PPP1CC: variants seen among roughly 807,000 people sequenced by gnomAD.
PPP1CC encodes protein phosphatase 1 catalytic subunit gamma.
PPP1CC carries 16 observed loss-of-function variants against 38.4 expected under a neutral mutation model. The observed-to-expected ratio is 0.42, with a 90% CI of 0.28 to 0.63. The LOEUF is 0.63. Among genes scored for constraint, PPP1CC ranks in the 30% least tolerant of loss-of-function variants. The pLI is 0.25. For missense variants in PPP1CC, 170 were observed against 391.3 expected, an observed-to-expected ratio of 0.43 and a Z score of 4.77; for synonymous variants, 158 against 136.0, an observed-to-expected ratio of 1.16 and a Z score of -1.13.
chr12:110,734,315 G>A (rs1449385120), intron 1 of PPP1CC, among the ~76,000 whole-genome samples: 1 of 152,098 alleles, frequency 6.6e-6, no homozygotes, highest in African/African-American at 2.4e-5. Flanking sequence ...TTGACTGGTG[G>A]CATTAGAATT....
chr12:110,715,044 T>TA (rs1395451917), downstream of PPP1CC, among the ~76,000 whole-genome samples: 1 of 151,848 alleles, frequency 6.6e-6, no homozygotes. Flanking sequence ...TCCAAGAATA[T>TA]AACGACCAGT....
At position 110,735,742 on chromosome 12, in the gene PPP1CC, A is replaced by G. The variant is rs1593584025; in HGVS notation, c.56-3841T>C. Among the ~76,000 whole-genome samples the G allele has an allele frequency of 4.7e-5, 7 of 150,224 alleles. 1 individual carries two copies. The Admixed American group carries it at 4.7e-4, about 10-fold the overall frequency. On this transcript the variant is annotated intron_variant, in intron 1 of 6. Transcript: ENST00000335007. The stretch of plus-strand genomic sequence containing the variant: ...AGTTGCAGTGAGCCGAGATTGTGCC[A>G]CTGCACTCCATCCTGGGCAACAAGA...
chr12:110,726,866 G>C (rs2069805439), intron 3 of PPP1CC, among the ~76,000 whole-genome samples: 1 of 152,170 alleles, frequency 6.6e-6, no homozygotes, highest in African/African-American at 2.4e-5. Context: ...TACTTAACCT[G>C]TATTATAAAA....
chr12:110,720,414 G>T lies in PPP1CC; in HGVS notation c.*662C>A. On this transcript the variant is annotated 3_prime_UTR_variant, in exon 7 of 7. Coordinates refer to ENST00000335007, the MANE Select transcript of PPP1CC (RefSeq NM_002710.4). ...CAAAACATAATTCAACAGAAACTTT[G>T]GCTTTAGGAAAGAGTCACAAATATT... 1 of 474,816 alleles carries T rather than the reference G, an allele frequency of 2.1e-6. No individual in the cohort carries two copies. The highest frequency in any genetic ancestry group is 3.7e-6 in the Non-Finnish European group (1 of 268,716). 29.4% of individuals were successfully genotyped at this position (474,816 alleles called of 1,614,324 possible). A position where few individuals can be genotyped will look rare whatever the true frequency, so the allele number is the denominator to read the frequency against.
At chr12:110,730,884 T>A in intron 2 of PPP1CC, 125 bp from the exon 3 acceptor site, 1 of 640,484 alleles carries the variant, frequency 1.6e-6, no homozygotes, top group Non-Finnish European at 2.6e-6. Context: ...AATGAGAGTT[T>A]AACTGGGCAG....
At chr12:110,727,614 A>T (rs2069814877) in intron 3 of PPP1CC, among the ~76,000 whole-genome samples, 1 of 102,690 alleles carries the variant, frequency 9.7e-6, no homozygotes, top group Non-Finnish European at 1.9e-5. Flanking sequence ...TACAAAGTTA[A>T]AAAAAAAAAA....
chr12:110,737,207 G>T lies in PPP1CC; in HGVS notation c.56-5306C>A, dbSNP rs1169325249. ...TCAAGAATCCTTTGGGCCGGATGCG[G>T]TGTCTAACGCCTGTAATCCCAGCAC... On this transcript the variant is annotated intron_variant, in intron 1 of 6. Transcript: ENST00000335007. Among the ~76,000 whole-genome samples, 5 of 152,156 alleles carry T rather than the reference G, an allele frequency of 3.3e-5. No individual in the cohort carries two copies. The South Asian group carries it at 1.0e-3, about 32-fold the overall frequency.
rs2069751073 is a variant in PPP1CC at position 110,722,592 on chromosome 12, G to A, written c.627C>T (p.Pro209=). 3.1e-6 allele frequency: 5 copies of A among 1,614,014 alleles called. No homozygotes were observed. Among genetic ancestry groups the A allele is most frequent in the Non-Finnish European group, 4.2e-6 (5 of 1,180,022 alleles). ...GLLCDLLWSD[P]DKDVLGWGEN... ...CACCCCAGCCTAAGACATCTTTATCGGGGTCAGACCACAAAAGATCACAAA... is the reference window on the plus strand; with the variant it reads ...CACCCCAGCCTAAGACATCTTTATCAGGGTCAGACCACAAAAGATCACAAA... Residue 209 remains proline, a synonymous_variant, in exon 5 of 7, where the codon CCC becomes CCT. Coordinates refer to ENST00000335007, the MANE Select transcript of PPP1CC (RefSeq NM_002710.4). The surrounding 1 kb of genome is among the most constrained non-coding windows in gnomAD (Gnocchi z 5.4).
the PPP1CC span, among the ~76,000 whole-genome samples, chr12:110,714,152 A>C: frequency 1.5e-3 from 226 of 152,256 alleles, 2 homozygotes; most frequent in African/African-American, 5.1e-3. Flanking sequence ...TATTGACCTC[A>C]GCAAGATTAT....
downstream of PPP1CC, among the ~76,000 whole-genome samples, chr12:110,716,717 CAT>C (rs2069690590): frequency 6.6e-6 from 1 of 152,180 alleles, no homozygotes; most frequent in Non-Finnish European, 1.5e-5. Flanking sequence ...AATCCTCTAA[CAT>C]ATTTATCTTT....
At chr12:110,712,933 C>T in the PPP1CC span, among the ~76,000 whole-genome samples, 31 of 151,624 alleles carry the variant, frequency 2.0e-4, no homozygotes, top group African/African-American at 7.3e-4. Flanking sequence ...ATTAGCCAGG[C>T]GTGGTGGCAT....
Position 110,730,671 on chromosome 12 carries a change from G to A in PPP1CC, c.276C>T (p.Asp92=), listed in dbSNP as rs2069861316. 5 of 1,614,116 alleles carry A rather than the reference G, an allele frequency of 3.1e-6. No individual in the cohort carries two copies. The highest frequency in any genetic ancestry group is 4.2e-6 in the Non-Finnish European group (5 of 1,180,004). The change falls in exon 3 of 7, where the codon GAC becomes GAT. Residue 92 remains aspartate, a synonymous_variant. Transcript: ENST00000335007. The stretch of plus-strand genomic sequence containing the variant: ...ATGACTGCTTTCCCCTGTCCACATA[G>A]TCCCCAAGAAACAGGTAGTTGCTTT... ...PPESNYLFLG[D]YVDRGKQSLE... is the part of the protein sequence containing the mutation.
In PPP1CC at chr12:110,721,020, A is replaced by C. The variant is rs1311857589; in HGVS notation, c.*56T>G. The C allele has an allele frequency of 8.0e-6, 12 of 1,495,792 alleles. No homozygotes were observed. Among genetic ancestry groups the C allele is most frequent in the African/African-American group, 2.8e-5 (2 of 72,362 alleles). The allele number at this position is 1,495,792 out of a possible 1,614,324, so 92.7% of individuals were successfully genotyped here. On this transcript the variant is annotated 3_prime_UTR_variant, in exon 7 of 7. Transcript: ENST00000335007. ...ACCAGTACACATTACAGTCTTAAAA[A>C]TGAAGGTTATATACTCTATGTTACA...
Position 110,722,400 on chromosome 12 carries a change from C to A in PPP1CC, c.747+72G>T. On this transcript the variant is annotated intron_variant, in intron 5 of 6. Coordinates refer to ENST00000335007, the MANE Select transcript of PPP1CC (RefSeq NM_002710.4). The surrounding 1 kb of genome is among the most constrained non-coding windows in gnomAD (Gnocchi z 5.4). ...TGTATAAATAAGCAATACCTACCCACCAAAATCAACAAGGAGAATCTGTGC... is the reference window on the plus strand; with the variant it reads ...TGTATAAATAAGCAATACCTACCCAACAAAATCAACAAGGAGAATCTGTGC... The A allele has an allele frequency of 6.3e-7, 1 of 1,576,496 alleles. No individual in the cohort carries two copies. Among genetic ancestry groups the A allele is most frequent in the Non-Finnish European group, 8.7e-7 (1 of 1,147,634 alleles).
chr12:110,722,041 A>AT lies in PPP1CC; in HGVS notation c.882+93dup. The AT allele has an allele frequency of 6.6e-7, 1 of 1,511,092 alleles. No homozygotes were observed. Among genetic ancestry groups the AT allele is most frequent in the Non-Finnish European group, 9.1e-7 (1 of 1,102,212 alleles). The allele number at this position is 1,511,092 out of a possible 1,614,324, so 93.6% of individuals were successfully genotyped here. On this transcript the variant is annotated intron_variant, in intron 6 of 6. Transcript: ENST00000335007. The surrounding 1 kb of genome is among the most constrained non-coding windows in gnomAD (Gnocchi z 5.4). ...AAAATAAAAACTTAGCCTACTCAGCATAAGTGAACACTAGGCAAAAAGTAG... is the reference window on the plus strand; with the variant it reads ...AAAATAAAAACTTAGCCTACTCAGCATTAAGTGAACACTAGGCAAAAAGTAG...
intron 6 of PPP1CC, 59 bp from the exon 7 acceptor site, chr12:110,721,224 C>G (rs1391312276): frequency 7.0e-6 from 10 of 1,428,412 alleles, no homozygotes; most frequent in African/African-American, 2.8e-5. Context: ...TCTTAAGAGT[C>G]CTTAAATTTC....
At chr12:110,718,756 G>T (rs2136534005), downstream of PPP1CC, among the ~76,000 whole-genome samples, 1 of 152,228 alleles carries the variant, frequency 6.6e-6, no homozygotes, top group Non-Finnish European at 1.5e-5. Context: ...TCAGCATTCA[G>T]GTCACTCACT....
At chr12:110,727,150 CTGACCTCT>C (rs1334813366) in intron 3 of PPP1CC, among the ~76,000 whole-genome samples, 2 of 152,182 alleles carry the variant, frequency 1.3e-5, no homozygotes, top group African/African-American at 4.8e-5. Context: ...GTCAGACCTC[CTGACCTCT>C]TGTGATCAGG....
At chr12:110,716,527 AT>A (rs1398170442), downstream of PPP1CC, among the ~76,000 whole-genome samples, 1 of 151,458 alleles carries the variant, frequency 6.6e-6, no homozygotes, top group African/African-American at 2.4e-5. Context: ...TGATTTTTGT[AT>A]TTTCAATGGA....
Sources: allele counts gnomAD v4.1 joint callset (sites outside exome capture counted in the v4.1 genomes callset), GRCh38; gene constraint gnomAD v4.1.1; non-coding constraint Gnocchi (gnomAD v3.1); transcripts MANE v1.5; gene names NCBI Gene and HGNC (gene_info 2026-07-23, HGNC 2026-07-21).